GBP7: variants seen among roughly 807,000 people sequenced by gnomAD.
The protein encoded by GBP7 is guanylate-binding protein 7.
A neutral mutation model predicts 61.3 loss-of-function variants in GBP7; 43 were observed. The ratio of observed to expected loss-of-function variants is 0.70; its 90% CI spans 0.55 to 0.91. GBP7 has a LOEUF of 0.91. Among genes scored for constraint, GBP7 ranks in the 40% least tolerant of loss-of-function variants. GBP7 has a pLI of 0.00. For missense variants in GBP7, 717 were observed against 740.5 expected (o/e 0.97, Z 0.37); for synonymous variants, 267 against 271.0 (o/e 0.99, Z 0.14).
chr1:89,174,110 G>C (rs905528580), intron 1 of GBP7, among the ~76,000 whole-genome samples: 3 of 152,154 alleles, frequency 2.0e-5, no homozygotes, highest in Admixed American at 1.3e-4. Flanking sequence ...ACTCCTTTAT[G>C]TGGATTATAC....
At chr1:89,136,800 C>G (rs1355615879) in intron 9 of GBP7, among the ~76,000 whole-genome samples, 1 of 151,704 alleles carries the variant, frequency 6.6e-6, no homozygotes, top group Admixed American at 6.6e-5. Flanking sequence ...AAGAAATAAC[C>G]AAAATCAGAC....
Position 89,152,648 on chromosome 1 carries a change from T to G in GBP7, c.428+20A>C. Reference sequence around the variant, plus strand: ...CCCTAAACTCCATAAAACCTGGCTCTTCACTTCCTGGAAGGATACTGCAGC... The same window carrying G: ...CCCTAAACTCCATAAAACCTGGCTCGTCACTTCCTGGAAGGATACTGCAGC... On this transcript the variant is annotated intron_variant, in intron 4 of 10. Coordinates refer to ENST00000294671, the MANE Select transcript of GBP7 (RefSeq NM_207398.3). 6.2e-7 allele frequency: 1 copy of G among 1,606,766 alleles called. No homozygotes were observed. The highest frequency in any genetic ancestry group is 8.5e-7 in the Non-Finnish European group (1 of 1,176,722).
chr1:89,161,111 G>C (rs904699758), intron 3 of GBP7, among the ~76,000 whole-genome samples: 2 of 151,830 alleles, frequency 1.3e-5, no homozygotes, highest in African/African-American at 4.8e-5. Context: ...AAATGATCTT[G>C]TTCTTCTTTT....
chr1:89,152,231 T>A, intron 5 of GBP7, 37 bp downstream of exon 5: 1 of 1,592,838 alleles, frequency 6.3e-7, no homozygotes, highest in African/African-American at 1.3e-5. Context: ...TCCCACCCGC[T>A]ACTGAACCTT....
intron 3 of GBP7, among the ~76,000 whole-genome samples, chr1:89,163,853 T>C (rs1180207831): frequency 6.6e-6 from 1 of 151,922 alleles, no homozygotes; most frequent in African/African-American, 2.4e-5. Flanking sequence ...CTTTCTTTTT[T>C]TTTTGTTTTT....
At chr1:89,159,553 G>A (rs538152424) in intron 3 of GBP7, among the ~76,000 whole-genome samples, 5 of 152,266 alleles carry the variant, frequency 3.3e-5, no homozygotes, top group African/African-American at 1.2e-4. Context: ...GTGGGCGAAG[G>A]ATATGAACAG....
At chr1:89,142,704 TG>T (rs1681981004) in intron 8 of GBP7, among the ~76,000 whole-genome samples, 1 of 152,156 alleles carries the variant, frequency 6.6e-6, no homozygotes, top group African/African-American at 2.4e-5. Flanking sequence ...AAGTGATTAG[TG>T]ACTGAAATTT....
intron 7 of GBP7, among the ~76,000 whole-genome samples, chr1:89,148,450 T>A: frequency 6.6e-6 from 1 of 152,212 alleles, no homozygotes; most frequent in South Asian, 2.1e-4. Flanking sequence ...CTCCAGTGTT[T>A]AGGTAACATT....
At chr1:89,165,510 GAA>G (rs377460369) in intron 2 of GBP7, among the ~76,000 whole-genome samples, 4 of 110,832 alleles carry the variant, frequency 3.6e-5, no homozygotes, top group East Asian at 2.6e-4. Flanking sequence ...CAAAAAAAAA[GAA>G]AAAAAAAAAA....
At chr1:89,148,702 C>T (rs1214410792) in intron 7 of GBP7, among the ~76,000 whole-genome samples, 1 of 152,158 alleles carries the variant, frequency 6.6e-6, no homozygotes, top group Non-Finnish European at 1.5e-5. Context: ...GCTCAATCAA[C>T]ACCTTGTTTT....
At chr1:89,136,975 T>G (rs187806520) in intron 9 of GBP7, among the ~76,000 whole-genome samples, 74 of 152,104 alleles carry the variant, frequency 4.9e-4, no homozygotes, top group Admixed American at 1.0e-3. Context: ...AAAGGGACAT[T>G]GCTATCAACT....
rs1681947948 is a variant in GBP7, at chr1:89,141,559, C to T, written c.1455G>A (p.Glu485=). Residue 485 remains glutamate (E), a synonymous_variant, in exon 9 of 11, where the codon GAG becomes GAA. Transcript: ENST00000294671. ...CTGCCCCTGTACCTGCTATGGCCTT[C>T]TCTCCAGCAGTGAGGGCTTTGTCTG... ...LQSDKALTAG[E]KAIAAKQAKK... is the part of the protein sequence containing the mutation. The T allele has an allele frequency of 6.2e-7, 1 of 1,613,646 alleles. No homozygotes were observed. The highest frequency in any genetic ancestry group is 1.3e-5 in the African/African-American group (1 of 74,904).
Position 89,155,471 on chromosome 1 carries a change from C to T in GBP7, c.319-2694G>A, listed in dbSNP as rs532058578. Among the ~76,000 whole-genome samples the T allele has an allele frequency of 5.3e-5, 8 of 152,234 alleles. No homozygotes were observed. In the East Asian group the frequency reaches 9.6e-4, roughly 18 times the overall value. ...CTAAAAACCTTGAAAAAAGATTAGA[C>T]GAATGGCTAACTAGAATAAACAGCA... On this transcript the variant is annotated intron_variant, in intron 3 of 10. Transcript: ENST00000294671.
At chr1:89,162,242 TA>T (rs1647295277) in intron 3 of GBP7, among the ~76,000 whole-genome samples, 1 of 151,858 alleles carries the variant, frequency 6.6e-6, no homozygotes, top group Non-Finnish European at 1.5e-5. Flanking sequence ...TTGCGTTGGC[TA>T]TTTTTTGCCT....
At chr1:89,136,573 G>A (rs147493608) in intron 9 of GBP7, among the ~76,000 whole-genome samples, 91 of 152,178 alleles carry the variant, frequency 6.0e-4, no homozygotes. Context: ...GGGGTAAACA[G>A]TGAATTTAAG....
Position 89,150,182 on chromosome 1 carries a change from C to A in GBP7, c.871+148G>T, listed in dbSNP as rs548533483. 4.4e-6 allele frequency: 3 copies of A among 676,726 alleles called. No individual in the cohort carries two copies. In the African/African-American group the frequency reaches 5.3e-5, roughly 12 times the overall value. The allele number at this position is 676,726 out of a possible 1,614,324, so 41.9% of individuals were successfully genotyped here. ...TAAATTCACAATACAGCTTTTATACCCTCACTGAGAAAAAATCCTTCACTT... is the reference window on the plus strand; with the variant it reads ...TAAATTCACAATACAGCTTTTATACACTCACTGAGAAAAAATCCTTCACTT... On this transcript the variant is annotated intron_variant, in intron 6 of 10. Coordinates refer to ENST00000294671, the MANE Select transcript of GBP7 (RefSeq NM_207398.3).
At chr1:89,134,929 A>C (rs1377056450) in intron 9 of GBP7, among the ~76,000 whole-genome samples, 1 of 152,218 alleles carries the variant, frequency 6.6e-6, no homozygotes, top group East Asian at 1.9e-4. Flanking sequence ...GTTGAGATAC[A>C]GTCCAAGGAA....
chr1:89,165,810 TA>T (rs1303638829), intron 2 of GBP7, among the ~76,000 whole-genome samples: 2 of 152,120 alleles, frequency 1.3e-5, no homozygotes, highest in African/African-American at 4.8e-5. Context: ...GAGAAATGCC[TA>T]ATGCAGATGA....
At chr1:89,154,919 C>G (rs1570354242) in intron 3 of GBP7, among the ~76,000 whole-genome samples, 2 of 152,240 alleles carry the variant, frequency 1.3e-5, no homozygotes, top group East Asian at 3.9e-4. Flanking sequence ...GGTCCCCGAC[C>G]CCCGAGTAGC....
Sources: gnomAD v4.1 joint callset for allele counts (sites outside exome capture counted in the v4.1 genomes callset) on GRCh38, gnomAD v4.1.1 for gene constraint, MANE v1.5 for transcripts, NCBI Gene and HGNC (gene_info 2026-07-23, HGNC 2026-07-21) for gene names.